Variants in KCNJ15 observed in about 807,000 individuals in gnomAD.
The protein encoded by KCNJ15 is ATP-sensitive inward rectifier potassium channel 15.
In KCNJ15, 14 loss-of-function variants were observed where a neutral mutation model predicts 23.0. That is an observed-to-expected ratio of 0.61 (90% confidence interval 0.40 to 0.95). The LOEUF (loss-of-function observed/expected upper bound fraction) is 0.95, where lower values mean the gene tolerates loss of function less well. KCNJ15 is among the 40% of genes least tolerant of loss of function. The pLI, the probability that KCNJ15 is intolerant of heterozygous loss-of-function variation, is 0.00. For synonymous variants in KCNJ15, 185 were observed against 183.2 expected (o/e 1.01, Z -0.08); for missense variants, 388 against 461.8 (o/e 0.84, Z 1.46).
At chr21:38,289,875 G>A (rs1185584683) in intron 1 of KCNJ15, among the ~76,000 whole-genome samples, 3 of 152,172 alleles carry the variant, frequency 2.0e-5, no homozygotes, top group Non-Finnish European at 4.4e-5. Context: ...TCCAAGCCAC[G>A]CTGTGATTAG....
intron 1 of KCNJ15, chr21:38,238,431 C>T: frequency 1.5e-6 from 1 of 677,288 alleles, no homozygotes; most frequent in South Asian, 1.4e-5. Context: ...GGACGCACTG[C>T]ACCAGAACTT....
chr21:38,264,617 C>G (rs1051134480), intron 1 of KCNJ15, among the ~76,000 whole-genome samples: 2 of 152,262 alleles, frequency 1.3e-5, no homozygotes, highest in Admixed American at 1.3e-4. Context: ...TCACCATGAA[C>G]TTACATCTAC....
intron 1 of KCNJ15, among the ~76,000 whole-genome samples, chr21:38,273,206 A>G (rs1238059766): frequency 6.6e-6 from 1 of 152,216 alleles, no homozygotes; most frequent in Non-Finnish European, 1.5e-5. Flanking sequence ...GCAATATGAA[A>G]CAACAGTAGC....
chr21:38,275,849 AT>A (rs199667087), intron 1 of KCNJ15, among the ~76,000 whole-genome samples: 28 of 151,044 alleles, frequency 1.9e-4, no homozygotes, highest in African/African-American at 6.1e-4. Flanking sequence ...TCTTTCTCCT[AT>A]TTTTTTTTCC....
chr21:38,299,209 T>C lies in KCNJ15; in HGVS notation c.-18-35T>C, dbSNP rs1985483787. ...TATTTTCTGGAAGTTCCACCACATA[T>C]GGCGATAATGAAACATCTTTGTCAT... On this transcript the variant is annotated intron_variant, in intron 2 of 2. Coordinates refer to ENST00000398938, the MANE Select transcript of KCNJ15 (RefSeq NM_170736.3). The surrounding 1 kb of genome is among the most constrained non-coding windows in gnomAD (Gnocchi z 4.5). 8 of 1,482,246 alleles carry C rather than the reference T, an allele frequency of 5.4e-6. No individual in the cohort carries two copies. The highest frequency in any genetic ancestry group is 5.5e-6 in the Non-Finnish European group (6 of 1,083,888). 91.8% of individuals were successfully genotyped at this position (1,482,246 alleles called of 1,614,324 possible).
At chr21:38,298,971 G>C (rs1372376784) in intron 2 of KCNJ15, among the ~76,000 whole-genome samples, 1 of 152,170 alleles carries the variant, frequency 6.6e-6, no homozygotes, top group African/African-American at 2.4e-5. Context: ...ACACTGGAGA[G>C]CAAAGGTCCA....
chr21:38,292,329 CA>C (rs1346972472), intron 1 of KCNJ15, among the ~76,000 whole-genome samples: 4 of 152,244 alleles, frequency 2.6e-5, no homozygotes, highest in African/African-American at 9.6e-5. Flanking sequence ...TGTCCCTTCC[CA>C]AATGAAAGCT....
At chr21:38,282,244 C>T (rs2836281) in intron 1 of KCNJ15, among the ~76,000 whole-genome samples, 99,991 of 151,872 alleles carry the variant, frequency 0.66, 33,612 homozygotes, top group Non-Finnish European at 0.73. Context: ...TGTCACTGTC[C>T]CTGCTTGGGT....
rs1006863588 is a variant in KCNJ15, at chr21:38,305,215, A to G, written c.*4826A>G. ...GCACCCAATTTCTTTTCAACATCAT[A>G]CATGCTTGGTTGACTGTTTCTTCAT... On this transcript the variant is annotated 3_prime_UTR_variant, in exon 3 of 3. Coordinates refer to ENST00000398938, the MANE Select transcript of KCNJ15 (RefSeq NM_170736.3). 7 of 152,088 alleles carry G rather than the reference A, an allele frequency of 4.6e-5. No individual in the cohort carries two copies. The highest frequency in any genetic ancestry group is 1.7e-4 in the African/African-American group (7 of 41,420). 9.4% of individuals were successfully genotyped at this position (152,088 alleles called of 1,614,324 possible).
chr21:38,293,868 C>T (rs948307098), intron 1 of KCNJ15, among the ~76,000 whole-genome samples: 1 of 152,236 alleles, frequency 6.6e-6, no homozygotes, highest in Non-Finnish European at 1.5e-5. Context: ...GGCCACTTGG[C>T]AAAGCTATCT....
chr21:38,305,138 A>G lies in KCNJ15; in HGVS notation c.*4749A>G. On this transcript the variant is annotated 3_prime_UTR_variant, in exon 3 of 3. Coordinates refer to ENST00000398938, the MANE Select transcript of KCNJ15 (RefSeq NM_170736.3). ...AAGAAAAGAAAATAAACGTGGCAAA[A>G]CTAGACCTTCAGACACTTCACTTCA... 1.3e-5 allele frequency: 2 copies of G among 151,928 alleles called. 1 individual carries two copies. The highest frequency in any genetic ancestry group is 2.9e-5 in the Non-Finnish European group (2 of 68,026). 9.4% of individuals were successfully genotyped at this position (151,928 alleles called of 1,614,324 possible).
intron 1 of KCNJ15, among the ~76,000 whole-genome samples, chr21:38,283,829 G>A (rs895829275): frequency 1.1e-5 from 1 of 89,816 alleles, no homozygotes; most frequent in Non-Finnish European, 2.9e-5. Flanking sequence ...TAAAATTTTC[G>A]GTAATTTGAT....
intron 1 of KCNJ15, among the ~76,000 whole-genome samples, chr21:38,271,079 C>T (rs1324114175): frequency 1.3e-5 from 2 of 152,230 alleles, no homozygotes; most frequent in East Asian, 3.8e-4. Flanking sequence ...GTGGACCTTT[C>T]CAAATCCTCT....
intron 1 of KCNJ15, among the ~76,000 whole-genome samples, chr21:38,264,490 G>A (rs1981256254): frequency 6.6e-6 from 1 of 152,314 alleles, no homozygotes; most frequent in Admixed American, 6.5e-5. Flanking sequence ...GAGATTTTAT[G>A]TAGTTATTTC....
chr21:38,254,616 A>G (rs535302298), upstream of KCNJ15, among the ~76,000 whole-genome samples: 3 of 152,320 alleles, frequency 2.0e-5, no homozygotes, highest in Non-Finnish European at 4.4e-5. Flanking sequence ...TATGCTCAAA[A>G]TATAAGAATT....
At position 38,297,667 on chromosome 21, in the gene KCNJ15, G is replaced by T. The variant is rs531638137; in HGVS notation, c.-19+644G>T. Reference sequence around the variant, plus strand: ...ACTGAGAAGTGTTGCTGAGGGTATAGTAAGGCCCTAGTTCATCAATTATAT... The same window carrying T: ...ACTGAGAAGTGTTGCTGAGGGTATATTAAGGCCCTAGTTCATCAATTATAT... On this transcript the variant is annotated intron_variant, in intron 2 of 2. Transcript: ENST00000398938. 8.5e-5 allele frequency among the ~76,000 whole-genome samples: 13 copies of T among 152,294 alleles called. 1 individual carries two copies. In the South Asian group the frequency reaches 2.5e-3, roughly 29 times the overall value.
At chr21:38,276,720 G>T (rs1982741275) in intron 1 of KCNJ15, among the ~76,000 whole-genome samples, 1 of 151,920 alleles carries the variant, frequency 6.6e-6, no homozygotes, top group Non-Finnish European at 1.5e-5. Context: ...TAAAATAAAA[G>T]TTTAAAAAAT....
chr21:38,294,771 G>A (rs1163366220), intron 1 of KCNJ15, among the ~76,000 whole-genome samples: 2 of 152,140 alleles, frequency 1.3e-5, no homozygotes, highest in Non-Finnish European at 2.9e-5. Context: ...TTCAGAGTGT[G>A]TTTATTTTCT....
At chr21:38,240,296 G>A (rs1166362504) in intron 1 of KCNJ15, among the ~76,000 whole-genome samples, 1 of 152,278 alleles carries the variant, frequency 6.6e-6, no homozygotes, top group African/African-American at 2.4e-5. Flanking sequence ...AGTTCATCAA[G>A]TCTAGACCTT....
Sources: allele counts gnomAD v4.1 joint callset (sites outside exome capture counted in the v4.1 genomes callset), GRCh38; gene constraint gnomAD v4.1.1; non-coding constraint Gnocchi (gnomAD v3.1); transcripts MANE v1.5; gene names NCBI Gene and HGNC (gene_info 2026-07-23, HGNC 2026-07-21).